MGMT: variants seen among roughly 807,000 people sequenced by gnomAD.
The protein encoded by MGMT is methylated-DNA--protein-cysteine methyltransferase.
Under a neutral mutation model 15.9 loss-of-function variants are expected in MGMT, and 14 were observed. That is an observed-to-expected ratio of 0.88 (90% CI 0.58 to 1.37). The LOEUF is 1.37. MGMT is among the 40% of genes most tolerant of loss of function. MGMT has a pLI of 0.00. For missense variants in MGMT, 282 were observed against 268.1 expected (o/e 1.05, Z -0.36); for synonymous variants, 130 against 118.2 (o/e 1.10, Z -0.65).
chr10:129,663,571 A>G (rs1474920454), intron 2 of MGMT, among the ~76,000 whole-genome samples: 1 of 152,164 alleles, frequency 6.6e-6, no homozygotes, highest in South Asian at 2.1e-4. Context: ...ATTTAAACAG[A>G]CAAATCATTA....
At chr10:129,658,136 C>T (rs1452381439) in intron 2 of MGMT, among the ~76,000 whole-genome samples, 1 of 151,846 alleles carries the variant, frequency 6.6e-6, no homozygotes, top group East Asian at 1.9e-4. Context: ...GAGTTTTTTC[C>T]CCCTTCTATG....
chr10:129,478,861 T>TTTTATTTATTTA (rs138841703), intron 1 of MGMT, among the ~76,000 whole-genome samples: 1 of 152,240 alleles, frequency 6.6e-6, no homozygotes, highest in East Asian at 1.9e-4. Flanking sequence ...CTTCGTTATC[T>TTTTATTTATTTA]TTTATTTATT....
Position 129,737,940 on chromosome 10 carries a change from A to T in MGMT, c.275-21262A>T, listed in dbSNP as rs1429509496. Among the ~76,000 whole-genome samples, 6 of 152,284 alleles carry T rather than the reference A, an allele frequency of 3.9e-5. No individual in the cohort carries two copies. In the East Asian group the frequency reaches 1.2e-3, roughly 29 times the overall value. ...AGATCTGTAGCTGCGTGCTGGGAGA[A>T]CCACTGCTCTCTTCAAAGCTGTCAG... On this transcript the variant is annotated intron_variant, in intron 3 of 4. Coordinates refer to ENST00000651593, the MANE Select transcript of MGMT (RefSeq NM_002412.5).
intron 2 of MGMT, among the ~76,000 whole-genome samples, chr10:129,618,657 C>T (rs1214210837): frequency 1.3e-5 from 2 of 151,656 alleles, no homozygotes; most frequent in Non-Finnish European, 2.9e-5. Flanking sequence ...TTTGATACAT[C>T]TCAACATGGT....
chr10:129,630,624 T>A (rs1233669795), intron 2 of MGMT, among the ~76,000 whole-genome samples: 1 of 152,218 alleles, frequency 6.6e-6, no homozygotes, highest in Non-Finnish European at 1.5e-5. Context: ...GGCCTGTGGA[T>A]GGGTGAGATG....
chr10:129,521,370 G>T (rs1845808613), intron 1 of MGMT, among the ~76,000 whole-genome samples: 1 of 152,170 alleles, frequency 6.6e-6, no homozygotes, highest in Non-Finnish European at 1.5e-5. Flanking sequence ...CCAGCCTCTT[G>T]GTGGGAGTCA....
intron 3 of MGMT, among the ~76,000 whole-genome samples, chr10:129,740,398 G>T (rs983473955): frequency 6.6e-6 from 1 of 152,132 alleles, no homozygotes; most frequent in Non-Finnish European, 1.5e-5. Flanking sequence ...GAGCAAGAAG[G>T]TCTTCTAAGG....
intron 1 of MGMT, among the ~76,000 whole-genome samples, chr10:129,474,356 T>C (rs1845265945): frequency 6.6e-6 from 1 of 152,120 alleles, no homozygotes; most frequent in Admixed American, 6.5e-5. Context: ...CCAGGAGGTA[T>C]AGCTGGGGTC....
intron 2 of MGMT, among the ~76,000 whole-genome samples, chr10:129,673,210 T>C (rs1847744881): frequency 6.6e-6 from 1 of 152,126 alleles, no homozygotes; most frequent in Non-Finnish European, 1.5e-5. Flanking sequence ...TCCTGTACGC[T>C]GGCCCAAAAT....
intron 2 of MGMT, among the ~76,000 whole-genome samples, chr10:129,553,270 G>T (rs928591914): frequency 2.0e-5 from 3 of 152,162 alleles, no homozygotes; most frequent in Non-Finnish European, 4.4e-5. Context: ...ATTACATTAT[G>T]TTGAAGTGAA....
At chr10:129,663,204 A>T (rs1333381230) in intron 2 of MGMT, among the ~76,000 whole-genome samples, 4 of 152,254 alleles carry the variant, frequency 2.6e-5, no homozygotes, top group Admixed American at 1.3e-4. Flanking sequence ...ACAGTGCAAT[A>T]AAACTATAAA....
chr10:129,632,928 A>G (rs1162934185), intron 2 of MGMT, among the ~76,000 whole-genome samples: 2 of 152,238 alleles, frequency 1.3e-5, no homozygotes, highest in Non-Finnish European at 2.9e-5. Context: ...TAACTGCTTC[A>G]TATCTCTTGT....
intron 2 of MGMT, among the ~76,000 whole-genome samples, chr10:129,539,065 C>T (rs1846015874): frequency 6.6e-6 from 1 of 152,138 alleles, no homozygotes; most frequent in Non-Finnish European, 1.5e-5. Flanking sequence ...TGGAGGCCTG[C>T]TTTTTTGTTT....
In MGMT at chr10:129,507,282, C is replaced by T. The variant is rs566548151; in HGVS notation, c.-12-28959C>T. Among the ~76,000 whole-genome samples the T allele has an allele frequency of 5.3e-5, 8 of 152,314 alleles. No homozygotes were observed. In the South Asian group the frequency reaches 6.2e-4, roughly 12 times the overall value. ...CATGTCCTTGGGTTTGGCTTCCAGA[C>T]GGATGTGAATCTCCCCTCTGGAGCA... On this transcript the variant is annotated intron_variant, in intron 1 of 4. Transcript: ENST00000651593.
chr10:129,679,293 C>T (rs561316493), intron 2 of MGMT, among the ~76,000 whole-genome samples: 1 of 152,200 alleles, frequency 6.6e-6, no homozygotes, highest in East Asian at 1.9e-4. Flanking sequence ...GGGGAAACAC[C>T]GGTCCCCTCT....
rs758310217 is a variant in MGMT, at chr10:129,467,285, G to A, written c.-24G>A. 2.6e-6 allele frequency: 4 copies of A among 1,531,602 alleles called. No individual in the cohort carries two copies. The highest frequency in any genetic ancestry group is 3.5e-6 in the Non-Finnish European group (4 of 1,138,006). 94.9% of individuals were successfully genotyped at this position (1,531,602 alleles called of 1,614,324 possible). A position where few individuals can be genotyped will look rare whatever the true frequency, so the allele number is the denominator to read the frequency against. ...CCCGCAGGTCCTCGCGGTGCGCACC[G>A]TTTGCGACTTGGTGAGTGTCTGGGT... On this transcript the variant is annotated 5_prime_UTR_variant, in exon 1 of 5. Transcript: ENST00000651593.
chr10:129,636,378 T>G (rs1847265259), intron 2 of MGMT, among the ~76,000 whole-genome samples: 1 of 152,350 alleles, frequency 6.6e-6, no homozygotes, highest in African/African-American at 2.4e-5. Flanking sequence ...ATGTTGGCTC[T>G]GAAGAGATTC....
At chr10:129,504,033 C>T (rs1045939400) in intron 1 of MGMT, among the ~76,000 whole-genome samples, 14 of 152,156 alleles carry the variant, frequency 9.2e-5, no homozygotes, top group Non-Finnish European at 1.9e-4. Flanking sequence ...ACCCATAGTT[C>T]GTAATCTGCC....
chr10:129,596,664 A>G (rs973138484), intron 2 of MGMT, among the ~76,000 whole-genome samples: 1 of 152,230 alleles, frequency 6.6e-6, no homozygotes, highest in Non-Finnish European at 1.5e-5. Context: ...AACAAAAATA[A>G]TAGGATTGCA....
Sources: allele counts gnomAD v4.1 joint callset (sites outside exome capture counted in the v4.1 genomes callset), GRCh38; gene constraint gnomAD v4.1.1; transcripts MANE v1.5; gene names NCBI Gene and HGNC (gene_info 2026-07-23, HGNC 2026-07-21).